PPP2R1A: variants seen among roughly 807,000 people sequenced by gnomAD.
PPP2R1A encodes serine/threonine-protein phosphatase 2A 65 kDa regulatory subunit A alpha isoform.
A neutral mutation model predicts 67.1 loss-of-function variants in PPP2R1A; 15 were observed. That is an observed-to-expected ratio of 0.22 (90% CI 0.15 to 0.34). PPP2R1A has a LOEUF of 0.34. PPP2R1A is among the 10% of genes least tolerant of loss of function. The probability of loss-of-function intolerance (pLI) is 1.00; values close to 1 mark genes in which losing one functional copy is unlikely to be tolerated. For missense variants in PPP2R1A, 369 were observed against 775.0 expected (o/e 0.48, Z 6.22); for synonymous variants, 337 against 325.0 (o/e 1.04, Z -0.40).
At position 52,213,150 on chromosome 19, in the gene PPP2R1A, C is replaced by CACTGACACTCTCAGAAGGG; in HGVS notation, c.807+42_807+60dup. 1 of 1,510,430 alleles carries CACTGACACTCTCAGAAGGG rather than the reference C, an allele frequency of 6.6e-7. No homozygotes were observed. The highest frequency in any genetic ancestry group is 2.3e-5 in the East Asian group (1 of 43,542). The allele number at this position is 1,510,430 out of a possible 1,614,324, so 93.6% of individuals were successfully genotyped here. A position where few individuals can be genotyped will look rare whatever the true frequency, so the allele number is the denominator to read the frequency against. On this transcript the variant is annotated intron_variant, in intron 6 of 14. Coordinates refer to ENST00000322088, the MANE Select transcript of PPP2R1A (RefSeq NM_014225.6). The surrounding 1 kb of genome is among the most constrained non-coding windows in gnomAD (Gnocchi z 4.2). ...GTTGACATTGTCCCACTGGTGGGGA[C>CACTGACACTCTCAGAAGGG]ACTGACACTCTCAGAAGGGAAGCAT...
intron 13 of PPP2R1A, among the ~76,000 whole-genome samples, chr19:52,223,067 T>C (rs1033588238): frequency 6.6e-6 from 1 of 152,190 alleles, no homozygotes; most frequent in Non-Finnish European, 1.5e-5. Context: ...AAAATAGATG[T>C]GAACACAAGC....
At chr19:52,200,265 T>C (rs1416310114) in intron 1 of PPP2R1A, 4 of 152,072 alleles carry the variant, frequency 2.6e-5, no homozygotes, top group African/African-American at 9.7e-5. Flanking sequence ...CATTCCATTC[T>C]TGTGACAGTG....
At chr19:52,225,467 A>G (rs930060288) in intron 13 of PPP2R1A, among the ~76,000 whole-genome samples, 2 of 152,240 alleles carry the variant, frequency 1.3e-5, no homozygotes, top group Non-Finnish European at 2.9e-5. Context: ...TGTGATGAGA[A>G]CATTCAAAAT....
rs1161720061 is a variant in PPP2R1A at position 52,227,786 on chromosome 19, G to A, written c.*1805G>A. 1 of 152,184 alleles carries A rather than the reference G, an allele frequency of 6.6e-6. No homozygotes were observed. The highest frequency in any genetic ancestry group is 1.5e-5 in the Non-Finnish European group (1 of 68,030). The allele number at this position is 152,184 out of a possible 1,614,324, so 9.4% of individuals were successfully genotyped here. A position where few individuals can be genotyped will look rare whatever the true frequency, so the allele number is the denominator to read the frequency against. On this transcript the variant is annotated 3_prime_UTR_variant, in exon 15 of 15. Transcript: ENST00000322088. Reference sequence around the variant, plus strand: ...AACTCTCTCCCAGTTGAGAACTACTGCTCTAGAAATGTGAACACACGTGTA... The same window carrying A: ...AACTCTCTCCCAGTTGAGAACTACTACTCTAGAAATGTGAACACACGTGTA...
chr19:52,216,885 A>G lies in PPP2R1A; in HGVS notation c.1128+222A>G, dbSNP rs1437290459. On this transcript the variant is annotated intron_variant, in intron 9 of 14. Coordinates refer to ENST00000322088, the MANE Select transcript of PPP2R1A (RefSeq NM_014225.6). This position sits in a 1 kb window ranked among gnomAD's most constrained non-coding sequence, Gnocchi z 4.3. ...CCTGGACATGGAGGATATGAAAAAT[A>G]GAAATTTAAAGTTTTTATTTATGGC... Among the ~76,000 whole-genome samples, 1 of 152,200 alleles carries G rather than the reference A, an allele frequency of 6.6e-6. No individual in the cohort carries two copies. The highest frequency in any genetic ancestry group is 1.5e-5 in the Non-Finnish European group (1 of 68,046).
At position 52,225,811 on chromosome 19, in the gene PPP2R1A, A is replaced by G. The variant is rs1354862373; in HGVS notation, c.1753+3A>G. 8 of 1,613,522 alleles carry G rather than the reference A, an allele frequency of 5.0e-6. No individual in the cohort carries two copies. The highest frequency in any genetic ancestry group is 1.3e-5 in the African/African-American group (1 of 74,918). ...CTTTGCCCAGGAGGCTCTGACTGGT[A>G]AGACCTAGAAAGCACGGAGCCCTAG... On this transcript the variant is annotated splice_donor_region_variant and intron_variant, in intron 14 of 14. Coordinates refer to ENST00000322088, the MANE Select transcript of PPP2R1A (RefSeq NM_014225.6).
chr19:52,214,073 A>T (rs562250090), intron 6 of PPP2R1A, among the ~76,000 whole-genome samples: 5 of 152,234 alleles, frequency 3.3e-5, no homozygotes, highest in Admixed American at 6.5e-5. Context: ...CCTTGGAAGC[A>T]TTGAGGAGGG....
intron 2 of PPP2R1A, among the ~76,000 whole-genome samples, chr19:52,205,207 TG>T (rs1288106774): frequency 6.6e-6 from 1 of 152,222 alleles, no homozygotes; most frequent in Non-Finnish European, 1.5e-5. Context: ...CAGCTTGTGC[TG>T]TGCAGAGATC....
At chr19:52,194,088 C>CAAAAAAA (rs915576804) in intron 1 of PPP2R1A, among the ~76,000 whole-genome samples, 59 of 60,500 alleles carry the variant, frequency 9.8e-4, no homozygotes, top group Non-Finnish European at 1.3e-3. Flanking sequence ...ACCCTGTCTC[C>CAAAAAAA]AAAAAAAAAA....
chr19:52,190,885 T>G (rs1464342970), intron 1 of PPP2R1A, among the ~76,000 whole-genome samples: 1 of 152,152 alleles, frequency 6.6e-6, no homozygotes, highest in Non-Finnish European at 1.5e-5. Context: ...TGAGACAGTC[T>G]CTGTGTCGCC....
At position 52,219,597 on chromosome 19, in the gene PPP2R1A, G is replaced by A. The variant is rs1978793464; in HGVS notation, c.1129-94G>A. ...GGACAGGAGTAGTCCCTCGGGAGAT[G>A]TCCATAAAAGTTGATGCAGCTGAGC... On this transcript the variant is annotated intron_variant, in intron 9 of 14. Coordinates refer to ENST00000322088, the MANE Select transcript of PPP2R1A (RefSeq NM_014225.6). The surrounding 1 kb of genome is among the most constrained non-coding windows in gnomAD (Gnocchi z 4.0). 7.6e-6 allele frequency: 10 copies of A among 1,321,838 alleles called. No homozygotes were observed. In the South Asian group the frequency reaches 1.4e-4, roughly 19 times the overall value. The allele number at this position is 1,321,838 out of a possible 1,614,324, so 81.9% of individuals were successfully genotyped here.
In PPP2R1A at chr19:52,216,214, G is replaced by C; in HGVS notation, c.993+140G>C. ...CCAGGCAGCTCTTGGGTTTCAAGCA[G>C]TTAGGGGTCCTGACTGCAGCTTGAG... On this transcript the variant is annotated intron_variant, in intron 8 of 14. Coordinates refer to ENST00000322088, the MANE Select transcript of PPP2R1A (RefSeq NM_014225.6). The surrounding 1 kb of genome is among the most constrained non-coding windows in gnomAD (Gnocchi z 4.3). 1 of 956,314 alleles carries C rather than the reference G, an allele frequency of 1.0e-6. No homozygotes were observed. The highest frequency in any genetic ancestry group is 2.6e-5 in the East Asian group (1 of 38,954). 59.2% of individuals were successfully genotyped at this position (956,314 alleles called of 1,614,324 possible). A position where few individuals can be genotyped will look rare whatever the true frequency, so the allele number is the denominator to read the frequency against.
chr19:52,205,062 C>G (rs951144176), intron 2 of PPP2R1A, among the ~76,000 whole-genome samples: 1 of 152,220 alleles, frequency 6.6e-6, no homozygotes, highest in African/African-American at 2.4e-5. Flanking sequence ...TACACTCACA[C>G]CCCTTTGGCC....
intron 1 of PPP2R1A, chr19:52,191,501 A>G (rs182945681): frequency 2.0e-5 from 3 of 152,328 alleles, no homozygotes; most frequent in African/African-American, 2.4e-5. Context: ...TCCCATTTAT[A>G]AAATTGGACA....
chr19:52,199,970 G>C (rs1715202271), intron 1 of PPP2R1A, among the ~76,000 whole-genome samples: 1 of 152,170 alleles, frequency 6.6e-6, no homozygotes, highest in Non-Finnish European at 1.5e-5. Flanking sequence ...TTTCTGAGGA[G>C]AGACCATCAC....
chr19:52,198,635 C>T (rs993989804), intron 1 of PPP2R1A, among the ~76,000 whole-genome samples: 2 of 152,186 alleles, frequency 1.3e-5, no homozygotes, highest in Admixed American at 6.5e-5. Context: ...TGTGCATGTT[C>T]TGCTATCAGG....
At chr19:52,215,347 C>T (rs1298785372) in intron 6 of PPP2R1A, among the ~76,000 whole-genome samples, 2 of 152,178 alleles carry the variant, frequency 1.3e-5, no homozygotes, top group Non-Finnish European at 2.9e-5. Flanking sequence ...CATGAGCCAT[C>T]GCACTTGGCC....
intron 1 of PPP2R1A, among the ~76,000 whole-genome samples, chr19:52,195,527 C>T (rs1438791421): frequency 6.6e-6 from 1 of 152,166 alleles, no homozygotes; most frequent in Admixed American, 6.5e-5. Context: ...GTTGAGGGCT[C>T]AGGCCTCAAA....
Position 52,213,044 on chromosome 19 carries a change from T to C in PPP2R1A, c.741T>C (p.Thr247=), listed in dbSNP as rs764648771. The change falls in exon 6 of 15, where the codon ACT becomes ACC. Residue 247 remains threonine, a synonymous_variant. Coordinates refer to ENST00000322088, the MANE Select transcript of PPP2R1A (RefSeq NM_014225.6). This position sits in a 1 kb window ranked among gnomAD's most constrained non-coding sequence, Gnocchi z 4.2. ...QEDLEALVMP[T]LRQAAEDKSW... ...ATCTGGAGGCCCTGGTGATGCCCACTCTGCGCCAGGCCGCTGAAGACAAGT... is the reference window on the plus strand; with the variant it reads ...ATCTGGAGGCCCTGGTGATGCCCACCCTGCGCCAGGCCGCTGAAGACAAGT... The C allele has an allele frequency of 2.5e-5, 40 of 1,611,262 alleles. No individual in the cohort carries two copies. The highest frequency in any genetic ancestry group is 3.1e-5 in the Non-Finnish European group (36 of 1,179,454).
Sources: allele counts gnomAD v4.1 joint callset (sites outside exome capture counted in the v4.1 genomes callset), GRCh38; gene constraint gnomAD v4.1.1; non-coding constraint Gnocchi (gnomAD v3.1); transcripts MANE v1.5; gene names NCBI Gene and HGNC (gene_info 2026-07-23, HGNC 2026-07-21).